The following CSMD1 variants were observed in gnomAD, a reference collection of about 807,000 sequenced individuals.
CSMD1 encodes CUB and Sushi multiple domains 1.
Under a neutral mutation model 417.5 loss-of-function variants are expected in CSMD1, and 213 were observed. The observed-to-expected ratio is 0.51, with a 90% CI of 0.46 to 0.57. The LOEUF (loss-of-function observed/expected upper bound fraction) is 0.57, where lower values mean the gene tolerates loss of function less well. CSMD1 is among the 20% of genes least tolerant of loss of function. The probability of loss-of-function intolerance (pLI) is 0.00; values close to 1 mark genes in which losing one functional copy is unlikely to be tolerated. For missense variants in CSMD1, 6,923 were observed against 4,529.7 expected, an observed-to-expected ratio of 1.53 and a Z score of -15.17; for synonymous variants, 2,862 against 1,736.8, an observed-to-expected ratio of 1.65 and a Z score of -16.11.
rs557464666 is a variant in CSMD1 at position 4,550,271 on chromosome 8, C to T, written c.302+87071G>A. Among the ~76,000 whole-genome samples the T allele has an allele frequency of 1.1e-3, 160 of 151,576 alleles. 1 individual carries two copies. Among genetic ancestry groups the T allele is most frequent in the Middle Eastern group, 6.8e-3 (2 of 292 alleles). ...TCTCATTTCCATGGTTGTGGTTTCA[C>T]GGCCAACTTTGATCATGAGGAATAC... On this transcript the variant is annotated intron_variant, in intron 2 of 69. Transcript: ENST00000635120.
chr8:3,197,657 G>T (rs1796777152), intron 33 of CSMD1, among the ~76,000 whole-genome samples: 2 of 151,704 alleles, frequency 1.3e-5, no homozygotes, highest in Admixed American at 6.6e-5. Context: ...GTAGAGACGG[G>T]GTTTCACCAT....
intron 5 of CSMD1, among the ~76,000 whole-genome samples, chr8:3,905,859 C>A (rs1808072502): frequency 6.6e-6 from 1 of 152,296 alleles, no homozygotes; most frequent in East Asian, 1.9e-4. Context: ...GGACTGTGGA[C>A]CCAATTTAGC....
intron 3 of CSMD1, among the ~76,000 whole-genome samples, chr8:4,237,882 T>C (rs905490332): frequency 3.3e-5 from 5 of 152,188 alleles, no homozygotes; most frequent in Non-Finnish European, 7.3e-5. Context: ...TTATGTTCCT[T>C]AAACAGAAGT....
chr8:3,687,630 G>A (rs1800005088), intron 7 of CSMD1, among the ~76,000 whole-genome samples: 1 of 152,136 alleles, frequency 6.6e-6, no homozygotes, highest in South Asian at 2.1e-4. Context: ...TCCGAGCACT[G>A]TGCCCTTGTT....
chr8:3,731,860 T>C (rs1300821151), intron 6 of CSMD1, among the ~76,000 whole-genome samples: 1 of 152,132 alleles, frequency 6.6e-6, no homozygotes, highest in Non-Finnish European at 1.5e-5. Context: ...TATCACTGCT[T>C]TATAAATGAG....
chr8:3,056,428 C>T (rs1346705378), intron 49 of CSMD1, among the ~76,000 whole-genome samples: 2 of 152,178 alleles, frequency 1.3e-5, no homozygotes, highest in Non-Finnish European at 2.9e-5. Context: ...AGTGCAGTGG[C>T]ACAGTCCAGG....
At chr8:3,963,162 C>T (rs958609731) in intron 5 of CSMD1, among the ~76,000 whole-genome samples, 11 of 152,102 alleles carry the variant, frequency 7.2e-5, no homozygotes, top group African/African-American at 2.4e-4. Context: ...AAACTCCTGA[C>T]CTCCAGTAAC....
chr8:3,625,024 T>G (rs982648660), intron 7 of CSMD1, among the ~76,000 whole-genome samples: 1 of 152,252 alleles, frequency 6.6e-6, no homozygotes, highest in South Asian at 2.1e-4. Flanking sequence ...CATAAGAGGA[T>G]AATTTTGATT....
chr8:3,670,294 G>A (rs1283394514), intron 7 of CSMD1, among the ~76,000 whole-genome samples: 1 of 151,864 alleles, frequency 6.6e-6, no homozygotes, highest in Non-Finnish European at 1.5e-5. Flanking sequence ...TCCTTCTCCT[G>A]TGCCGGATGC....
chr8:3,276,151 A>G (rs1298612615), intron 26 of CSMD1, among the ~76,000 whole-genome samples: 1 of 152,080 alleles, frequency 6.6e-6, no homozygotes, highest in Non-Finnish European at 1.5e-5. Context: ...TCTAACAGTC[A>G]GGACCTTCAG....
intron 1 of CSMD1, among the ~76,000 whole-genome samples, chr8:4,963,054 T>C (rs910426357): frequency 6.6e-6 from 1 of 152,122 alleles, no homozygotes; most frequent in Non-Finnish European, 1.5e-5. Context: ...TGCATGGAAC[T>C]GCACCCAGGA....
At chr8:3,191,293 T>TA (rs1312049511) in intron 33 of CSMD1, among the ~76,000 whole-genome samples, 1 of 151,948 alleles carries the variant, frequency 6.6e-6, no homozygotes, top group African/African-American at 2.4e-5. Flanking sequence ...CCGTCTCTAC[T>TA]AAAAATACAA....
intron 15 of CSMD1, among the ~76,000 whole-genome samples, chr8:3,402,884 T>C (rs904655229): frequency 2.0e-5 from 3 of 152,148 alleles, no homozygotes; most frequent in Non-Finnish European, 4.4e-5. Context: ...TTTGATCATT[T>C]TGTTCTACGT....
chr8:3,026,966 G>C (rs1434294307), intron 51 of CSMD1, among the ~76,000 whole-genome samples: 2 of 152,114 alleles, frequency 1.3e-5, no homozygotes, highest in Non-Finnish European at 2.9e-5. Context: ...GATAAAAAGA[G>C]GAGAAAGCGG....
chr8:3,662,682 CT>C (rs1798480898), intron 7 of CSMD1, among the ~76,000 whole-genome samples: 1 of 151,992 alleles, frequency 6.6e-6, no homozygotes, highest in Admixed American at 6.6e-5. Flanking sequence ...AGTTCATGTC[CT>C]TTGCAGGGAC....
intron 1 of CSMD1, among the ~76,000 whole-genome samples, chr8:4,750,749 C>T (rs950186270): frequency 4.6e-5 from 7 of 150,758 alleles, no homozygotes; most frequent in Non-Finnish European, 8.8e-5. Context: ...GAATTACTTC[C>T]CAAGGAAAAA....
At chr8:4,226,815 G>T (rs1296987749) in intron 3 of CSMD1, among the ~76,000 whole-genome samples, 1 of 152,192 alleles carries the variant, frequency 6.6e-6, no homozygotes, top group Non-Finnish European at 1.5e-5. Context: ...GAGTAAAGTT[G>T]GGTTGTTGAA....
At chr8:2,972,112 T>G (rs532604532) in intron 57 of CSMD1, among the ~76,000 whole-genome samples, 1 of 152,104 alleles carries the variant, frequency 6.6e-6, no homozygotes, top group Non-Finnish European at 1.5e-5. Flanking sequence ...TTATTTTATA[T>G]GTGAAATTAA....
chr8:3,508,413 G>T (rs1002232329), intron 10 of CSMD1, among the ~76,000 whole-genome samples: 1 of 151,824 alleles, frequency 6.6e-6, no homozygotes, highest in Admixed American at 6.6e-5. Context: ...TGTAAGTGAC[G>T]AGTTAATGGG....
Sources: gnomAD v4.1 joint callset for allele counts (sites outside exome capture counted in the v4.1 genomes callset) on GRCh38, gnomAD v4.1.1 for gene constraint, MANE v1.5 for transcripts, NCBI Gene and HGNC (gene_info 2026-07-23, HGNC 2026-07-21) for gene names.